Variants in MGST1 observed in about 807,000 individuals in gnomAD.
MGST1 encodes glutathione S-transferase 12.
A neutral mutation model predicts 8.9 loss-of-function variants in MGST1; 5 were observed. That is an observed-to-expected ratio of 0.56 (90% CI 0.29 to 1.19). The LOEUF (loss-of-function observed/expected upper bound fraction) is 1.19. Ranked by LOEUF, MGST1 falls within the 50% of genes most tolerant of loss-of-function variation. The probability of loss-of-function intolerance (pLI) is 0.08; values close to 1 mark genes in which losing one functional copy is unlikely to be tolerated. For synonymous variants in MGST1, 54 were observed against 67.8 expected (o/e 0.80, Z 1.00); for missense variants, 182 against 187.4 (o/e 0.97, Z 0.17).
chr12:16,357,470 T>G, intron 2 of MGST1, 135 bp from the exon 3 acceptor site: 1 of 666,446 alleles, frequency 1.5e-6, no homozygotes, highest in Non-Finnish European at 2.5e-6. Context: ...GTACTCCCTA[T>G]GTTGCCCAGG....
Position 16,537,890 on chromosome 12 carries a change from C to T in MGST1, n.483-51638C>T, listed in dbSNP as rs1941765081. On this transcript the variant is annotated intron_variant and non_coding_transcript_variant, in intron 4 of 4. Coordinates refer to the MGST1 transcript ENST00000538857. The surrounding 1 kb of genome is among the most constrained non-coding windows in gnomAD (Gnocchi z 4.6). Reference sequence around the variant, plus strand: ...GGCTGCTGTGAAGACCTATTGCATGCCCTAGGCACATTTTCCCCATTGTCT... The same window carrying T: ...GGCTGCTGTGAAGACCTATTGCATGTCCTAGGCACATTTTCCCCATTGTCT... Among the ~76,000 whole-genome samples the T allele has an allele frequency of 6.6e-6, 1 of 152,188 alleles. No homozygotes were observed. Among genetic ancestry groups the T allele is most frequent in the Non-Finnish European group, 1.5e-5 (1 of 68,024 alleles).
intron 4 of MGST1, among the ~76,000 whole-genome samples, chr12:16,444,183 G>GTTTTTTTT (rs1161206533): frequency 3.1e-5 from 4 of 128,490 alleles, no homozygotes; most frequent in Non-Finnish European, 3.4e-5. Flanking sequence ...GGCTGATTTG[G>GTTTTTTTT]TTTTTTTTTT....
intron 1 of MGST1, among the ~76,000 whole-genome samples, chr12:16,407,605 C>G (rs1006411086): frequency 2.0e-5 from 3 of 152,116 alleles, no homozygotes; most frequent in African/African-American, 7.2e-5. Flanking sequence ...CATAAAGGCA[C>G]ATGCATGCAT....
intron 1 of MGST1, among the ~76,000 whole-genome samples, chr12:16,432,530 A>G (rs1240777919): frequency 1.3e-5 from 2 of 152,012 alleles, no homozygotes; most frequent in Admixed American, 1.3e-4. Flanking sequence ...CATAGTAGCA[A>G]TGGAACAAGC....
chr12:16,486,313 A>C (rs1370791519), intron 4 of MGST1, among the ~76,000 whole-genome samples: 1 of 152,214 alleles, frequency 6.6e-6, no homozygotes, highest in Admixed American at 6.5e-5. Context: ...TGCCTGAAGC[A>C]CCTAGAAGAA....
intron 3 of MGST1, among the ~76,000 whole-genome samples, chr12:16,357,977 A>G (rs1939801056): frequency 6.6e-6 from 1 of 152,198 alleles, no homozygotes; most frequent in Non-Finnish European, 1.5e-5. Context: ...AGGAGGTAAA[A>G]TGGGAACAGT....
chr12:16,429,531 G>A (rs1940921170), intron 1 of MGST1, among the ~76,000 whole-genome samples: 2 of 151,690 alleles, frequency 1.3e-5, no homozygotes, highest in South Asian at 2.1e-4. Context: ...CTCAAAGATA[G>A]GTATGCTAAC....
intron 2 of MGST1, among the ~76,000 whole-genome samples, chr12:16,355,713 G>A (rs540345818): frequency 1.7e-4 from 26 of 152,278 alleles, no homozygotes; most frequent in Non-Finnish European, 2.5e-4. Flanking sequence ...GGAGCCACAC[G>A]CTTTTTATGT....
At chr12:16,533,510 C>T (rs1245166612) in intron 4 of MGST1, among the ~76,000 whole-genome samples, 1 of 152,040 alleles carries the variant, frequency 6.6e-6, no homozygotes, top group Non-Finnish European at 1.5e-5. Context: ...CCTACATTTT[C>T]TTCTTCAAGC....
At chr12:16,486,253 T>C (rs1941398679) in intron 4 of MGST1, among the ~76,000 whole-genome samples, 2 of 152,244 alleles carry the variant, frequency 1.3e-5, no homozygotes, top group African/African-American at 4.8e-5. Context: ...TTTGTATGTC[T>C]CTTTACATTA....
At chr12:16,436,459 T>C (rs1940987979) in intron 1 of MGST1, among the ~76,000 whole-genome samples, 2 of 151,912 alleles carry the variant, frequency 1.3e-5, no homozygotes, top group Admixed American at 1.3e-4. Flanking sequence ...GGAAATACAT[T>C]GCATACGTCT....
intron 4 of MGST1, among the ~76,000 whole-genome samples, chr12:16,452,808 A>G (rs905258933): frequency 2.0e-5 from 3 of 151,940 alleles, no homozygotes; most frequent in Non-Finnish European, 2.9e-5. Flanking sequence ...AGTGAATTAC[A>G]GGGCATTAAA....
At position 16,413,355 on chromosome 12, in the gene MGST1, T is replaced by C. The variant is rs1940758652; in HGVS notation, n.779-24033T>C. On this transcript the variant is annotated intron_variant and non_coding_transcript_variant, in intron 1 of 1. Transcript: ENST00000359720. The surrounding 1 kb of genome is among the most constrained non-coding windows in gnomAD (Gnocchi z 4.0). ...CAACTGCCTGCATGTCCATGAATCC[T>C]GCAGCAAAAAAGACATCTGTTCATC... is the stretch of plus-strand genomic sequence containing the variant. 6.6e-6 allele frequency among the ~76,000 whole-genome samples: 1 copy of C among 152,166 alleles called. No individual in the cohort carries two copies. Among genetic ancestry groups the C allele is most frequent in the Admixed American group, 6.5e-5 (1 of 15,278 alleles).
intron 4 of MGST1, among the ~76,000 whole-genome samples, chr12:16,512,706 G>A (rs1027904673): frequency 2.6e-4 from 40 of 152,128 alleles, no homozygotes; most frequent in African/African-American, 6.0e-4. Context: ...AACAGAAGCC[G>A]TGCCCATCAT....
chr12:16,422,303 A>G (rs916071574), intron 1 of MGST1, among the ~76,000 whole-genome samples: 1 of 152,088 alleles, frequency 6.6e-6, no homozygotes, highest in Non-Finnish European at 1.5e-5. Context: ...ATCTTTTTAT[A>G]CAGTGTGGAT....
chr12:16,505,229 G>A (rs145289781), intron 4 of MGST1, among the ~76,000 whole-genome samples: 209 of 152,184 alleles, frequency 1.4e-3, no homozygotes, highest in Non-Finnish European at 2.3e-3. Context: ...ATGAGAGGCA[G>A]CAATACTTTC....
chr12:16,356,434 C>G (rs1265433864), intron 2 of MGST1, among the ~76,000 whole-genome samples: 1 of 151,962 alleles, frequency 6.6e-6, no homozygotes, highest in African/African-American at 2.4e-5. Flanking sequence ...ATATTTATTC[C>G]AGATAAAGAT....
At chr12:16,456,996 G>A (rs551034124) in intron 4 of MGST1, among the ~76,000 whole-genome samples, 22 of 151,878 alleles carry the variant, frequency 1.4e-4, no homozygotes, top group South Asian at 2.1e-4. Context: ...AAATGCACGC[G>A]TGTCCTAAAC....
chr12:16,589,928 G>A (rs937228550), downstream of MGST1, among the ~76,000 whole-genome samples: 4 of 152,070 alleles, frequency 2.6e-5, no homozygotes, highest in Non-Finnish European at 5.9e-5. The surrounding 1 kb of genome is among the most constrained non-coding windows in gnomAD (Gnocchi z 4.2). Context: ...TTTCTGGGAA[G>A]TATGTGTTGG....
Sources: gnomAD v4.1 joint callset for allele counts (sites outside exome capture counted in the v4.1 genomes callset) on GRCh38, gnomAD v4.1.1 for gene constraint, Gnocchi (gnomAD v3.1) non-coding constraint, MANE v1.5 for transcripts, NCBI Gene and HGNC (gene_info 2026-07-23, HGNC 2026-07-21) for gene names.